NRG1: variants seen among roughly 807,000 people sequenced by gnomAD.
NRG1 encodes the protein neuregulin 1.
In NRG1, 18 loss-of-function variants were observed where a neutral mutation model predicts 63.8. The observed-to-expected ratio is 0.28, with a 90% CI of 0.19 to 0.42. The LOEUF is 0.42. Ranked by LOEUF, NRG1 falls within the 10% of genes least tolerant of loss-of-function variation. The pLI is 1.00. For missense variants in NRG1, 762 were observed against 814.7 expected (o/e 0.94, Z 0.79); for synonymous variants, 302 against 301.3 (o/e 1.00, Z -0.02).
intron 1 of NRG1, among the ~76,000 whole-genome samples, chr8:32,277,961 C>A (rs912728401): frequency 1.3e-5 from 2 of 152,244 alleles, no homozygotes; most frequent in Non-Finnish European, 1.5e-5. Context: ...AAGGGGATTA[C>A]TCTGAAGGCC....
chr8:32,755,830 C>G (rs1209425898), intron 8 of NRG1, among the ~76,000 whole-genome samples: 2 of 152,080 alleles, frequency 1.3e-5, no homozygotes, highest in Non-Finnish European at 2.9e-5. Context: ...GCAACCTCCC[C>G]CTCCCTGGTT....
chr8:31,942,889 C>A (rs1410878511), intron 1 of NRG1, among the ~76,000 whole-genome samples: 18 of 133,456 alleles, frequency 1.3e-4, no homozygotes, highest in East Asian at 1.2e-3. Context: ...AAAAAAAAAA[C>A]CAACAAAAAA....
At chr8:31,854,941 C>T (rs1827687694) in intron 1 of NRG1, among the ~76,000 whole-genome samples, 1 of 152,094 alleles carries the variant, frequency 6.6e-6, no homozygotes, top group Non-Finnish European at 1.5e-5. Context: ...ATTCTTAATC[C>T]TGAGTTCTAG....
In NRG1 at chr8:32,255,691, G is replaced by T. The variant is rs113056640; in HGVS notation, c.38-340137G>T. Among the ~76,000 whole-genome samples, 446 of 152,180 alleles carry T rather than the reference G, an allele frequency of 2.9e-3. 2 individuals are homozygous for T. The highest frequency in any genetic ancestry group is 1.0e-2 in the African/African-American group (415 of 41,538). ...GAATCTGACGATTGTGTGTCTTGGG[G>T]TTGCTCTTCTTGAGGATTATCTTTA... On this transcript the variant is annotated intron_variant, in intron 1 of 10. Coordinates refer to the NRG1 transcript ENST00000519301.
chr8:31,672,246 C>A (rs544384377), intron 1 of NRG1, among the ~76,000 whole-genome samples: 84 of 152,052 alleles, frequency 5.5e-4, no homozygotes, highest in Non-Finnish European at 9.9e-4. Flanking sequence ...GTTTTTTTTC[C>A]ATTTCTACCA....
At chr8:31,907,279 A>G (rs935136096) in intron 1 of NRG1, among the ~76,000 whole-genome samples, 1 of 152,112 alleles carries the variant, frequency 6.6e-6, no homozygotes, top group African/African-American at 2.4e-5. Context: ...TCCTCAAGGA[A>G]AAGACTGGGA....
In NRG1 at chr8:32,124,241, G is replaced by A. The variant is rs1024936263; in HGVS notation, c.38-471587G>A. On this transcript the variant is annotated intron_variant, in intron 1 of 10. Transcript: ENST00000519301. ...CATTCTTTAGCCATGCACCAAGTTC[G>A]AACAATGACGAATCAAATCCTCAGA... is the stretch of plus-strand genomic sequence containing the variant. Among the ~76,000 whole-genome samples, 11 of 151,838 alleles carry A rather than the reference G, an allele frequency of 7.2e-5. No individual in the cohort carries two copies. The East Asian group carries it at 2.1e-3, about 30-fold the overall frequency.
At chr8:32,234,989 C>T (rs1847383711) in intron 1 of NRG1, among the ~76,000 whole-genome samples, 1 of 151,976 alleles carries the variant, frequency 6.6e-6, no homozygotes, top group Non-Finnish European at 1.5e-5. Context: ...ACCATTCAAG[C>T]AGTAGGTTCT....
At chr8:31,940,287 G>A (rs550581252) in intron 1 of NRG1, among the ~76,000 whole-genome samples, 1 of 152,036 alleles carries the variant, frequency 6.6e-6, no homozygotes, top group African/African-American at 2.4e-5. Flanking sequence ...TAAATAACTT[G>A]CTCCTGAATG....
chr8:32,719,593 G>T (rs566204218), intron 5 of NRG1, among the ~76,000 whole-genome samples: 2 of 152,060 alleles, frequency 1.3e-5, no homozygotes, highest in South Asian at 2.1e-4. Flanking sequence ...TCCATGATCA[G>T]ATTTCCTACA....
intron 1 of NRG1, among the ~76,000 whole-genome samples, chr8:31,858,567 C>T (rs1301637081): frequency 6.6e-6 from 1 of 152,024 alleles, no homozygotes; most frequent in African/African-American, 2.4e-5. Flanking sequence ...AGTGGTTGGA[C>T]CAAGAAGAAG....
intron 1 of NRG1, among the ~76,000 whole-genome samples, chr8:32,229,429 G>A (rs765259051): frequency 3.3e-5 from 5 of 152,098 alleles, no homozygotes; most frequent in Admixed American, 6.6e-5. Flanking sequence ...CTAGGGGGCC[G>A]GAGTAGATGA....
rs1278534975 is a variant in NRG1 at position 31,652,977 on chromosome 8, CT to C, written c.37+13547del. Among the ~76,000 whole-genome samples the C allele has an allele frequency of 1.0e-3, 50 of 47,778 alleles. 2 individuals carry two copies. The highest frequency in any genetic ancestry group is 6.5e-3 in the East Asian group (12 of 1,840). The allele number at this position is 47,778 out of a possible 152,430, so 31.3% of individuals were successfully genotyped here. A position where few individuals can be genotyped will look rare whatever the true frequency, so the allele number is the denominator to read the frequency against. On this transcript the variant is annotated intron_variant, in intron 1 of 10. Transcript: ENST00000519301. ...CTTCTCTCCTCTCCTCTCCTCTCCT[CT>C]CCTCTCCTCTCCTCTCCTCTCCTCT...
intron 1 of NRG1, among the ~76,000 whole-genome samples, chr8:32,121,975 T>C (rs1000506702): frequency 6.6e-6 from 1 of 152,030 alleles, no homozygotes; most frequent in African/African-American, 2.4e-5. Context: ...CAGGGAAGTT[T>C]CTTGCTACTT....
chr8:32,243,393 G>A (rs1462202188), intron 1 of NRG1, among the ~76,000 whole-genome samples: 1 of 149,456 alleles, frequency 6.7e-6, no homozygotes, highest in African/African-American at 2.5e-5. Context: ...TCATGCCACT[G>A]CACTCCAACC....
intron 1 of NRG1, among the ~76,000 whole-genome samples, chr8:32,167,779 G>T (rs1353077140): frequency 6.6e-6 from 1 of 152,230 alleles, no homozygotes; most frequent in Non-Finnish European, 1.5e-5. Flanking sequence ...TACAGATTGA[G>T]AAATAAATTG....
At chr8:32,764,044 A>G in exon 12 of NRG1, 1 of 1,614,056 alleles carries the variant, frequency 6.2e-7, no homozygotes, top group Non-Finnish European at 8.5e-7. Context: ...ATAGTGGAGG[A>G]TGAGGAGTAT....
At chr8:32,157,710 A>C (rs1838298302) in intron 1 of NRG1, among the ~76,000 whole-genome samples, 1 of 149,876 alleles carries the variant, frequency 6.7e-6, no homozygotes, top group Admixed American at 6.7e-5. Context: ...ATTTTTATAT[A>C]CATATCTATA....
chr8:31,691,113 G>C (rs984677722), intron 1 of NRG1, among the ~76,000 whole-genome samples: 8 of 152,104 alleles, frequency 5.3e-5, no homozygotes, highest in African/African-American at 1.9e-4. Context: ...GAGTAAGCTG[G>C]AGCCCTCTGC....
Sources: allele counts gnomAD v4.1 joint callset (sites outside exome capture counted in the v4.1 genomes callset), GRCh38; gene constraint gnomAD v4.1.1; transcripts MANE v1.5; gene names NCBI Gene and HGNC (gene_info 2026-07-23, HGNC 2026-07-21).